The following HYDIN variants were observed in gnomAD, a reference collection of about 807,000 sequenced individuals.
HYDIN encodes HYDIN axonemal central pair apparatus protein.
HYDIN carries 132 observed loss-of-function variants against 403.9 expected under a neutral mutation model. The ratio of observed to expected loss-of-function variants is 0.33; its 90% CI spans 0.28 to 0.38. The LOEUF (loss-of-function observed/expected upper bound fraction) is 0.38, where lower values mean the gene tolerates loss of function less well. Ranked by LOEUF, HYDIN falls within the 10% of genes least tolerant of loss-of-function variation. The pLI, the probability that HYDIN is intolerant of heterozygous loss-of-function variation, is 1.00. For missense variants in HYDIN, 2,827 were observed against 5,009.5 expected (o/e 0.56, Z 13.15); for synonymous variants, 1,202 against 1,891.7 (o/e 0.64, Z 9.46).
intron 4 of HYDIN, among the ~76,000 whole-genome samples, chr16:71,178,001 G>C (rs976968340): frequency 7.2e-5 from 11 of 152,134 alleles, no homozygotes; most frequent in African/African-American, 2.7e-4. Flanking sequence ...GACAAACTTT[G>C]AAGGCTATCT....
chr16:71,209,739 A>G (rs1003848737), intron 1 of HYDIN, among the ~76,000 whole-genome samples: 1 of 152,166 alleles, frequency 6.6e-6, no homozygotes, highest in Admixed American at 6.5e-5. Context: ...ATATACACTA[A>G]CGGCATCCAA....
At chr16:70,897,174 T>C (rs977464827) in intron 53 of HYDIN, among the ~76,000 whole-genome samples, 5 of 151,988 alleles carry the variant, frequency 3.3e-5, no homozygotes, top group African/African-American at 1.2e-4. Flanking sequence ...AATAATCCCA[T>C]CAAAAAGTGG....
At chr16:70,884,717 AAACAAAAC>A (rs1477793746) in intron 58 of HYDIN, among the ~76,000 whole-genome samples, 2 of 148,466 alleles carry the variant, frequency 1.3e-5, no homozygotes, top group Non-Finnish European at 3.0e-5. Context: ...AAACAAAACA[AAACAAAAC>A]AAAACAAAAC....
At chr16:71,003,424 GT>G (rs1225624461) in intron 23 of HYDIN, among the ~76,000 whole-genome samples, 1 of 149,536 alleles carries the variant, frequency 6.7e-6, no homozygotes, top group Admixed American at 6.6e-5. Flanking sequence ...TAAATATTGT[GT>G]TTTTATGTTA....
chr16:70,865,478 G>A (rs1201609531), intron 67 of HYDIN: 1 of 410,174 alleles, frequency 2.4e-6, no homozygotes, highest in East Asian at 7.2e-5. Flanking sequence ...GAATGTGGGT[G>A]AAGGGTTAAC....
chr16:70,992,987 G>T (rs2079407531), intron 23 of HYDIN, among the ~76,000 whole-genome samples: 1 of 152,100 alleles, frequency 6.6e-6, no homozygotes, highest in South Asian at 2.1e-4. Flanking sequence ...CCTATCTCAA[G>T]CCCTTGATGT....
chr16:71,102,171 C>T (rs2083474584), intron 10 of HYDIN, among the ~76,000 whole-genome samples: 2 of 151,836 alleles, frequency 1.3e-5, no homozygotes, highest in South Asian at 2.1e-4. Context: ...GATTAACTGA[C>T]TACACAAAAT....
chr16:70,989,367 T>G (rs183614541), intron 25 of HYDIN, among the ~76,000 whole-genome samples: 8 of 152,290 alleles, frequency 5.3e-5, no homozygotes, highest in Admixed American at 3.9e-4. Context: ...ACACGCATCT[T>G]TGAAAACAGA....
At chr16:71,170,829 C>T (rs551037037) in intron 5 of HYDIN, among the ~76,000 whole-genome samples, 4 of 152,156 alleles carry the variant, frequency 2.6e-5, no homozygotes, top group African/African-American at 9.6e-5. Flanking sequence ...AAATTACATG[C>T]TGTATGGGAC....
chr16:71,075,274 A>G (rs2082595051), intron 13 of HYDIN, among the ~76,000 whole-genome samples: 1 of 151,772 alleles, frequency 6.6e-6, no homozygotes, highest in African/African-American at 2.4e-5. Context: ...AATTGTTTCT[A>G]ATTTTCAGCT....
In HYDIN at chr16:70,921,044, G is replaced by A. The variant is rs2076980921; in HGVS notation, c.7332C>T (p.Asp2444=). The change falls in exon 46 of 86, where the codon GAC becomes GAT. Residue 2444 remains aspartate (D), a synonymous_variant. Coordinates refer to ENST00000393567, the MANE Select transcript of HYDIN (RefSeq NM_001270974.2). ...GTTGCTTGTCGGGGTCCTTTGAGTT[G>A]TCCCCTTCACTGTCCTCTTGGTCCT... The part of the protein sequence containing the change: ...LVQDQEDSEG[D]NSKDPDKQLA... The A allele has an allele frequency of 1.2e-6, 2 of 1,611,514 alleles. No individual in the cohort carries two copies. Among genetic ancestry groups the A allele is most frequent in the East Asian group, 4.5e-5 (2 of 44,860 alleles).
intron 3 of HYDIN, among the ~76,000 whole-genome samples, chr16:71,180,766 A>G (rs1188417349): frequency 6.6e-6 from 1 of 152,110 alleles, no homozygotes; most frequent in African/African-American, 2.4e-5. Context: ...CAAAACTGTC[A>G]TTTTCCCCAG....
At chr16:70,955,101 C>A (rs565175070) in intron 40 of HYDIN, among the ~76,000 whole-genome samples, 5 of 152,238 alleles carry the variant, frequency 3.3e-5, no homozygotes, top group Admixed American at 3.3e-4. Flanking sequence ...CTGCTTCCCC[C>A]ACCAGGTGTC....
intron 9 of HYDIN, among the ~76,000 whole-genome samples, chr16:71,126,561 G>C (rs550054248): frequency 2.9e-4 from 44 of 152,310 alleles, no homozygotes; most frequent in Middle Eastern, 3.4e-3. Flanking sequence ...CGTGGTCCAA[G>C]TCTCTTCCCA....
intron 38 of HYDIN, among the ~76,000 whole-genome samples, chr16:70,961,484 C>T (rs1043420312): frequency 4.0e-4 from 61 of 152,168 alleles, no homozygotes; most frequent in Non-Finnish European, 8.2e-4. Flanking sequence ...CCCCCATGAA[C>T]CCAGTTTCAC....
chr16:70,897,079 A>G (rs1047140830), intron 53 of HYDIN, among the ~76,000 whole-genome samples: 8 of 150,620 alleles, frequency 5.3e-5, no homozygotes, highest in Non-Finnish European at 1.0e-4. Flanking sequence ...AGAATGGCAG[A>G]AAATATTTGC....
At chr16:71,187,952 A>G (rs890927780) in intron 1 of HYDIN, among the ~76,000 whole-genome samples, 9 of 152,178 alleles carry the variant, frequency 5.9e-5, no homozygotes, top group African/African-American at 2.2e-4. Flanking sequence ...GAATGAAACT[A>G]ATATTGCCCT....
chr16:71,173,534 T>C (rs2086549164), intron 5 of HYDIN, among the ~76,000 whole-genome samples: 1 of 152,230 alleles, frequency 6.6e-6, no homozygotes, highest in Non-Finnish European at 1.5e-5. Flanking sequence ...TTCTAGCTTT[T>C]GATTATGGAA....
chr16:71,175,249 C>T (rs1368113344), intron 5 of HYDIN, among the ~76,000 whole-genome samples: 2 of 151,518 alleles, frequency 1.3e-5, no homozygotes, highest in African/African-American at 4.9e-5. Context: ...AATACCAATA[C>T]CATCTACACA....
Sources: allele counts gnomAD v4.1 joint callset (sites outside exome capture counted in the v4.1 genomes callset), GRCh38; gene constraint gnomAD v4.1.1; transcripts MANE v1.5; gene names NCBI Gene and HGNC (gene_info 2026-07-23, HGNC 2026-07-21).